Variants in BRD3OS observed in about 807,000 individuals in gnomAD.
The protein encoded by BRD3OS is BRD3 opposite strand, also known as uncharacterized protein BRD3OS.
In BRD3OS at chr9:134,026,992, C is replaced by T. The variant is rs1467763976; in HGVS notation, c.245C>T (p.Thr82Ile). The change falls in exon 3 of 3, where the codon ACA becomes ATA. Residue 82 changes from threonine (T) to isoleucine (I), a missense_variant. By Grantham distance (89) the Thr-to-Ile change is moderately conservative. Transcript: ENST00000603928. The surrounding 1 kb of genome is among the most constrained non-coding windows in gnomAD (Gnocchi z 4.4). Reference protein sequence around the residue: ...SRDTGQSKFCTIM With the variant: ...SRDTGQSKFCIIM Reference sequence around the variant, plus strand: ...GACACAGGGCAGTCCAAGTTTTGCACAATTATGTAATTCCGATGTGAGCAC... The same window carrying T: ...GACACAGGGCAGTCCAAGTTTTGCATAATTATGTAATTCCGATGTGAGCAC... 1 of 398,868 alleles carries T rather than the reference C, an allele frequency of 2.5e-6. No homozygotes were observed. Among genetic ancestry groups the T allele is most frequent in the Non-Finnish European group, 4.4e-6 (1 of 226,078 alleles). The allele number at this position is 398,868 out of a possible 1,614,324, so 24.7% of individuals were successfully genotyped here. A position where few individuals can be genotyped will look rare whatever the true frequency, so the allele number is the denominator to read the frequency against.
chr9:134,029,584 C>T lies in BRD3OS; in HGVS notation c.*2582C>T, dbSNP rs935220700. 1 of 152,214 alleles carries T rather than the reference C, an allele frequency of 6.6e-6. No homozygotes were observed. Among genetic ancestry groups the T allele is most frequent in the African/African-American group, 2.4e-5 (1 of 41,384 alleles). 9.4% of individuals were successfully genotyped at this position (152,214 alleles called of 1,614,324 possible). A position where few individuals can be genotyped will look rare whatever the true frequency, so the allele number is the denominator to read the frequency against. On this transcript the variant is annotated 3_prime_UTR_variant, in exon 3 of 3. Transcript: ENST00000603928. Reference sequence around the variant, plus strand: ...GACGTGGGCCCAGCCAGAACCTTCTCCCCTGGCATGTCTCTTCCAGGCCTA... The same window carrying T: ...GACGTGGGCCCAGCCAGAACCTTCTTCCCTGGCATGTCTCTTCCAGGCCTA...
At position 134,029,771 on chromosome 9, in the gene BRD3OS, G is replaced by A. The variant is rs1843483325; in HGVS notation, c.*2769G>A. The A allele has an allele frequency of 6.6e-6, 1 of 152,244 alleles. No homozygotes were observed. Among genetic ancestry groups the A allele is most frequent in the Non-Finnish European group, 1.5e-5 (1 of 68,062 alleles). 9.4% of individuals were successfully genotyped at this position (152,244 alleles called of 1,614,324 possible). On this transcript the variant is annotated 3_prime_UTR_variant, in exon 3 of 3. Transcript: ENST00000603928. ...GGATAGACTGAGGTGCAGAGGGAGG[G>A]GACAAGCGGCCAGGTTGACTAGAAG...
In BRD3OS at chr9:134,027,287, C is replaced by T. The variant is rs146154683; in HGVS notation, c.*285C>T. On this transcript the variant is annotated 3_prime_UTR_variant, in exon 3 of 3. Coordinates refer to ENST00000603928, the MANE Select transcript of BRD3OS (RefSeq NM_001355256.2). ...GGTGCTGCTAGGGACAGCATAGGCC[C>T]GGGCACTGCTAGATGCTTGGTTTAA... 219 of 267,230 alleles carry T rather than the reference C, an allele frequency of 8.2e-4. 2 individuals carry two copies. The highest frequency in any genetic ancestry group is 4.4e-3 in the African/African-American group (201 of 45,806). 16.6% of individuals were successfully genotyped at this position (267,230 alleles called of 1,614,324 possible). A position where few individuals can be genotyped will look rare whatever the true frequency, so the allele number is the denominator to read the frequency against.
At position 134,026,500 on chromosome 9, in the gene BRD3OS, C is replaced by T. The variant is rs1344491066; in HGVS notation, c.-248C>T. 1 of 319,820 alleles carries T rather than the reference C, an allele frequency of 3.1e-6. No individual in the cohort carries two copies. Among genetic ancestry groups the T allele is most frequent in the Non-Finnish European group, 5.7e-6 (1 of 176,064 alleles). The allele number at this position is 319,820 out of a possible 1,614,324, so 19.8% of individuals were successfully genotyped here. On this transcript the variant is annotated 5_prime_UTR_variant, in exon 3 of 3. Transcript: ENST00000603928. This position sits in a 1 kb window ranked among gnomAD's most constrained non-coding sequence, Gnocchi z 4.4. ...CCGGAAGAGCTGTGGCCGGGCGCCG[C>T]TCTGACCTGTGTGCGGTCCCCTGAA...
rs1182993411 is a variant in BRD3OS, at chr9:134,029,067, A to C, written c.*2065A>C. ...TGGAGGACCTGCCCCGCCGGCTGAC[A>C]CTCCCACAGCAAGGCGGGCCCGCCA... is the stretch of plus-strand genomic sequence containing the variant. On this transcript the variant is annotated 3_prime_UTR_variant, in exon 3 of 3. Transcript: ENST00000603928. 1 of 151,788 alleles carries C rather than the reference A, an allele frequency of 6.6e-6. No individual in the cohort carries two copies. The highest frequency in any genetic ancestry group is 2.1e-4 in the South Asian group (1 of 4,816). 9.4% of individuals were successfully genotyped at this position (151,788 alleles called of 1,614,324 possible).
chr9:134,031,330 C>T lies in BRD3OS; in HGVS notation c.*4328C>T, dbSNP rs967508543. 2.9e-5 allele frequency: 6 copies of T among 207,856 alleles called. No individual in the cohort carries two copies. Among genetic ancestry groups the T allele is most frequent in the African/African-American group, 6.9e-5 (3 of 43,768 alleles). 12.9% of individuals were successfully genotyped at this position (207,856 alleles called of 1,614,324 possible). A position where few individuals can be genotyped will look rare whatever the true frequency, so the allele number is the denominator to read the frequency against. ...GTGGCTGGAGGGGCATTGCAAGGAG[C>T]GCCCCCCAGCCCCAGGCACCCCCGG... On this transcript the variant is annotated 3_prime_UTR_variant, in exon 3 of 3. Transcript: ENST00000603928.
rs1224844782 is a variant in BRD3OS at position 134,025,487 on chromosome 9, C to G, written c.-836C>G. 6.6e-6 allele frequency: 1 copy of G among 151,988 alleles called. No individual in the cohort carries two copies. The highest frequency in any genetic ancestry group is 2.4e-5 in the African/African-American group (1 of 41,392). The allele number at this position is 151,988 out of a possible 1,614,324, so 9.4% of individuals were successfully genotyped here. On this transcript the variant is annotated 5_prime_UTR_variant, in exon 1 of 3. Coordinates refer to ENST00000603928, the MANE Select transcript of BRD3OS (RefSeq NM_001355256.2). The stretch of plus-strand genomic sequence containing the variant: ...CGGCCGCCGGCCCCGCCCTGGGAGC[C>G]CCGCAGTGCGTCGCGCCGCTGCCCG...
rs1588262645 is a variant in BRD3OS, at chr9:134,025,870, G to A, written c.-761G>A. 1 of 152,236 alleles carries A rather than the reference G, an allele frequency of 6.6e-6. No individual in the cohort carries two copies. The highest frequency in any genetic ancestry group is 1.9e-4 in the East Asian group (1 of 5,198). The allele number at this position is 152,236 out of a possible 1,614,324, so 9.4% of individuals were successfully genotyped here. A position where few individuals can be genotyped will look rare whatever the true frequency, so the allele number is the denominator to read the frequency against. ...GGGCCTCACGGGAGCTGGATGCTCG[G>A]AGCAGCAAGGCGGCCCTGGGGGCCC... On this transcript the variant is annotated 5_prime_UTR_variant, in exon 2 of 3. Coordinates refer to ENST00000603928, the MANE Select transcript of BRD3OS (RefSeq NM_001355256.2).
chr9:134,026,019 C>T lies in BRD3OS; in HGVS notation c.-612C>T. On this transcript the variant is annotated 5_prime_UTR_variant, in exon 2 of 3. Transcript: ENST00000603928. The surrounding 1 kb of genome is among the most constrained non-coding windows in gnomAD (Gnocchi z 4.4). ...CAACAAGCAGCCTCCCCAGCACCTC[C>T]CAGTGACTGAAAAAGCTGGCACTGG... 6.6e-6 allele frequency: 1 copy of T among 152,492 alleles called. No individual in the cohort carries two copies. Among genetic ancestry groups the T allele is most frequent in the East Asian group, 1.9e-4 (1 of 5,188 alleles). 9.4% of individuals were successfully genotyped at this position (152,492 alleles called of 1,614,324 possible). A position where few individuals can be genotyped will look rare whatever the true frequency, so the allele number is the denominator to read the frequency against.
In BRD3OS at chr9:134,028,157, C is replaced by G. The variant is rs1843455461; in HGVS notation, c.*1155C>G. On this transcript the variant is annotated 3_prime_UTR_variant, in exon 3 of 3. Coordinates refer to ENST00000603928, the MANE Select transcript of BRD3OS (RefSeq NM_001355256.2). ...GTTCGTAATATCCTACTTGGCTTCC[C>G]ATTTTTTATAGCAGTAATATGTAAT... 6.6e-6 allele frequency: 1 copy of G among 152,230 alleles called. No individual in the cohort carries two copies. Among genetic ancestry groups the G allele is most frequent in the Non-Finnish European group, 1.5e-5 (1 of 68,054 alleles). The allele number at this position is 152,230 out of a possible 1,614,324, so 9.4% of individuals were successfully genotyped here.
rs375324272 is a variant in BRD3OS at position 134,031,331 on chromosome 9, G to A, written c.*4329G>A. On this transcript the variant is annotated 3_prime_UTR_variant, in exon 3 of 3. Coordinates refer to ENST00000603928, the MANE Select transcript of BRD3OS (RefSeq NM_001355256.2). Reference sequence around the variant, plus strand: ...TGGCTGGAGGGGCATTGCAAGGAGCGCCCCCCAGCCCCAGGCACCCCCGGC... The same window carrying A: ...TGGCTGGAGGGGCATTGCAAGGAGCACCCCCCAGCCCCAGGCACCCCCGGC... 8.2e-5 allele frequency: 17 copies of A among 207,880 alleles called. No individual in the cohort carries two copies. Among genetic ancestry groups the A allele is most frequent in the Middle Eastern group, 1.6e-3 (1 of 638 alleles). The allele number at this position is 207,880 out of a possible 1,614,324, so 12.9% of individuals were successfully genotyped here.
rs1458372169 is a variant in BRD3OS, at chr9:134,026,673, T to A, written c.-75T>A. On this transcript the variant is annotated 5_prime_UTR_variant, in exon 3 of 3. Coordinates refer to ENST00000603928, the MANE Select transcript of BRD3OS (RefSeq NM_001355256.2). The surrounding 1 kb of genome is among the most constrained non-coding windows in gnomAD (Gnocchi z 4.4). ...CCTTAAGCCCCAAAGCTGGGAAAGC[T>A]GTCCGTTAATTTAGTGCGCGTGGGC... 5.0e-6 allele frequency: 2 copies of A among 397,870 alleles called. No individual in the cohort carries two copies. The highest frequency in any genetic ancestry group is 8.8e-6 in the Non-Finnish European group (2 of 226,000). 24.6% of individuals were successfully genotyped at this position (397,870 alleles called of 1,614,324 possible).
chr9:134,027,049 G>T lies in BRD3OS; in HGVS notation c.*47G>T. The T allele has an allele frequency of 2.5e-6, 1 of 398,678 alleles. No individual in the cohort carries two copies. Among genetic ancestry groups the T allele is most frequent in the South Asian group, 1.3e-4 (1 of 7,762 alleles). 24.7% of individuals were successfully genotyped at this position (398,678 alleles called of 1,614,324 possible). A position where few individuals can be genotyped will look rare whatever the true frequency, so the allele number is the denominator to read the frequency against. ...CCAGGACCACACTTTGAGGAAAACAGACCTGAGTTTCATTCAGTTGTCTTG... is the reference window on the plus strand; with the variant it reads ...CCAGGACCACACTTTGAGGAAAACATACCTGAGTTTCATTCAGTTGTCTTG... On this transcript the variant is annotated 3_prime_UTR_variant, in exon 3 of 3. Coordinates refer to ENST00000603928, the MANE Select transcript of BRD3OS (RefSeq NM_001355256.2).
In BRD3OS at chr9:134,031,182, C is replaced by T. The variant is rs562148137; in HGVS notation, c.*4180C>T. On this transcript the variant is annotated 3_prime_UTR_variant, in exon 3 of 3. Coordinates refer to ENST00000603928, the MANE Select transcript of BRD3OS (RefSeq NM_001355256.2). ...TCTTTCTAGATGAAAGGAGCAGAGG[C>T]GAGCCGACGCCACCGTCACAGAGAA... 4.0e-5 allele frequency: 9 copies of T among 223,692 alleles called. No individual in the cohort carries two copies. In the South Asian group the frequency reaches 1.1e-3, roughly 27 times the overall value. The allele number at this position is 223,692 out of a possible 1,614,324, so 13.9% of individuals were successfully genotyped here.
At position 134,025,555 on chromosome 9, in the gene BRD3OS, G is replaced by C. The variant is rs1464193671; in HGVS notation, c.-787+19G>C. 6.6e-6 allele frequency: 1 copy of C among 152,088 alleles called. No individual in the cohort carries two copies. The highest frequency in any genetic ancestry group is 1.5e-5 in the Non-Finnish European group (1 of 68,018). 9.4% of individuals were successfully genotyped at this position (152,088 alleles called of 1,614,324 possible). On this transcript the variant is annotated intron_variant, in intron 1 of 2. Transcript: ENST00000603928. Reference sequence around the variant, plus strand: ...ACGAGCGGTGACTGGGGCGGGCGACGTGGGGGACCCGGGGATGCGGGCAGA... The same window carrying C: ...ACGAGCGGTGACTGGGGCGGGCGACCTGGGGGACCCGGGGATGCGGGCAGA...
rs417142 is a variant in BRD3OS at position 134,026,248 on chromosome 9, G to T, written c.-500G>T. On this transcript the variant is annotated 5_prime_UTR_variant, in exon 3 of 3. Transcript: ENST00000603928. This position sits in a 1 kb window ranked among gnomAD's most constrained non-coding sequence, Gnocchi z 4.4. ...GAGACGAGACCTGAACAAACGCTGG[G>T]GCTGGATCCCCAGGGTGGGTCAGAA... 41,535 of 152,482 alleles carry T rather than the reference G, an allele frequency of 0.27. 6,569 individuals are homozygous for T. Among genetic ancestry groups the T allele is most frequent in the East Asian group, 0.62 (3,211 of 5,168 alleles). The allele number at this position is 152,482 out of a possible 1,614,324, so 9.4% of individuals were successfully genotyped here.
chr9:134,026,896 G>A lies in BRD3OS; in HGVS notation c.149G>A (p.Ser50Asn), dbSNP rs1294044424. Reference protein sequence around the residue: ...PPGTYLSRSRSMWYSQYGNEA... With the variant: ...PPGTYLSRSRNMWYSQYGNEA... The stretch of plus-strand genomic sequence containing the variant: ...GGGACGTACCTGAGCAGGAGCCGAA[G>A]CATGTGGTACTCACAGTATGGAAAT... Residue 50 changes from serine to asparagine, a missense_variant, in exon 3 of 3, where the codon AGC becomes AAC. Transcript: ENST00000603928. The surrounding 1 kb of genome is among the most constrained non-coding windows in gnomAD (Gnocchi z 4.4). The A allele has an allele frequency of 2.5e-6, 1 of 398,878 alleles. No individual in the cohort carries two copies. Among genetic ancestry groups the A allele is most frequent in the Non-Finnish European group, 4.4e-6 (1 of 226,088 alleles). 24.7% of individuals were successfully genotyped at this position (398,878 alleles called of 1,614,324 possible).
rs1371277291 is a variant in BRD3OS, at chr9:134,028,172, TA to T, written c.*1172del. 1.3e-5 allele frequency: 2 copies of T among 152,260 alleles called. No individual in the cohort carries two copies. The highest frequency in any genetic ancestry group is 2.9e-5 in the Non-Finnish European group (2 of 68,052). 9.4% of individuals were successfully genotyped at this position (152,260 alleles called of 1,614,324 possible). A position where few individuals can be genotyped will look rare whatever the true frequency, so the allele number is the denominator to read the frequency against. ...CTTGGCTTCCCATTTTTTATAGCAGTAATATGTAATTGATTGCTAAAGACTG... is the reference window on the plus strand; with the variant it reads ...CTTGGCTTCCCATTTTTTATAGCAGTATATGTAATTGATTGCTAAAGACTG... On this transcript the variant is annotated 3_prime_UTR_variant, in exon 3 of 3. Coordinates refer to ENST00000603928, the MANE Select transcript of BRD3OS (RefSeq NM_001355256.2).
Position 134,026,733 on chromosome 9 carries a change from G to T in BRD3OS, c.-15G>T. On this transcript the variant is annotated 5_prime_UTR_variant, in exon 3 of 3. Coordinates refer to ENST00000603928, the MANE Select transcript of BRD3OS (RefSeq NM_001355256.2). The surrounding 1 kb of genome is among the most constrained non-coding windows in gnomAD (Gnocchi z 4.4). ...ACAGCAGGGTTCCCAGGAGTCCAGC[G>T]GGACGGGGGAGGGGATGAGTGGCCG... is the stretch of plus-strand genomic sequence containing the variant. The T allele has an allele frequency of 2.5e-6, 1 of 398,812 alleles. No individual in the cohort carries two copies. Among genetic ancestry groups the T allele is most frequent in the Middle Eastern group, 6.3e-4 (1 of 1,588 alleles). The allele number at this position is 398,812 out of a possible 1,614,324, so 24.7% of individuals were successfully genotyped here. A position where few individuals can be genotyped will look rare whatever the true frequency, so the allele number is the denominator to read the frequency against.
Sources: gnomAD v4.1 joint callset for allele counts on GRCh38, gnomAD v4.1.1 for gene constraint, Gnocchi (gnomAD v3.1) non-coding constraint, MANE v1.5 for transcripts, NCBI Gene and HGNC (gene_info 2026-07-23, HGNC 2026-07-21) for gene names.